Variants in GLDC observed in about 807,000 individuals in gnomAD.
GLDC encodes glycine dehydrogenase (decarboxylating), mitochondrial.
GLDC carries 104 observed loss-of-function variants against 121.3 expected under a neutral mutation model. That is an observed-to-expected ratio of 0.86 (90% CI 0.73 to 1.01). GLDC has a LOEUF of 1.01. Among genes scored for constraint, GLDC ranks in the 50% least tolerant of loss-of-function variants. The pLI, the probability that GLDC is intolerant of heterozygous loss-of-function variation, is 0.00. For missense variants in GLDC, 1,429 were observed against 1,306.6 expected, an observed-to-expected ratio of 1.09 and a Z score of -1.44; for synonymous variants, 546 against 480.6, an observed-to-expected ratio of 1.14 and a Z score of -1.78.
intron 4 of GLDC, among the ~76,000 whole-genome samples, chr9:6,607,624 GTTTA>G (rs1383387390): frequency 1.3e-5 from 2 of 151,594 alleles, no homozygotes; most frequent in Non-Finnish European, 2.9e-5. Context: ...AAATAAAATA[GTTTA>G]TTTATTTATT....
chr9:6,535,797 G>C, intron 23 of GLDC: 1 of 492,006 alleles, frequency 2.0e-6, no homozygotes, highest in South Asian at 2.2e-5. Flanking sequence ...TCTCACTACA[G>C]TACATCAAAC....
chr9:6,592,509 T>G lies in GLDC; in HGVS notation c.1402-286A>C, dbSNP rs1334660373. Among the ~76,000 whole-genome samples the G allele has an allele frequency of 2.0e-5, 3 of 152,186 alleles. No individual in the cohort carries two copies. The East Asian group carries it at 5.8e-4, about 29-fold the overall frequency. ...TTATCTTTTTCTTCCCTTAACCCAC[T>G]TATCAGATATTGAGGAGATTTTCTT... On this transcript the variant is annotated intron_variant, in intron 10 of 24. Coordinates refer to ENST00000321612, the MANE Select transcript of GLDC (RefSeq NM_000170.3).
intron 2 of GLDC, among the ~76,000 whole-genome samples, chr9:6,641,190 T>G (rs1380471045): frequency 6.6e-6 from 1 of 152,256 alleles, no homozygotes; most frequent in Non-Finnish European, 1.5e-5. Context: ...CATTCTGTCC[T>G]ATACATGTTA....
At chr9:6,569,367 T>G (rs913088697) in intron 15 of GLDC, 1 of 152,036 alleles carries the variant, frequency 6.6e-6, no homozygotes, top group African/African-American at 2.4e-5. Flanking sequence ...TAGAAATGGA[T>G]GTTGTGCCGG....
At chr9:6,638,596 C>T (rs952179452) in intron 2 of GLDC, among the ~76,000 whole-genome samples, 3 of 152,144 alleles carry the variant, frequency 2.0e-5, no homozygotes, top group South Asian at 2.1e-4. Context: ...CATTTCTGAA[C>T]GCTCATGACA....
At chr9:6,576,155 T>A (rs1304728699) in intron 15 of GLDC, among the ~76,000 whole-genome samples, 3 of 152,180 alleles carry the variant, frequency 2.0e-5, no homozygotes, top group Admixed American at 6.5e-5. Flanking sequence ...ATCCAGGTGC[T>A]ATAACAAAAT....
chr9:6,605,796 T>C (rs772073290), intron 5 of GLDC: 28 of 219,604 alleles, frequency 1.3e-4, no homozygotes, highest in Middle Eastern at 3.7e-3. Context: ...CAATAGTGGT[T>C]GTTGCGAGGA....
intron 24 of GLDC, chr9:6,534,132 A>C (rs1466379524): frequency 6.6e-6 from 1 of 150,986 alleles, no homozygotes; most frequent in Non-Finnish European, 1.4e-5. Flanking sequence ...GCGTGAACCC[A>C]GGATCATGCC....
chr9:6,540,226 A>C, intron 21 of GLDC, 80 bp from the exon 22 acceptor site: 1 of 921,802 alleles, frequency 1.1e-6, no homozygotes, highest in South Asian at 1.3e-5. Context: ...TAATTTAATA[A>C]ATAAGTGCAT....
chr9:6,603,355 C>T (rs1351158350), intron 7 of GLDC, among the ~76,000 whole-genome samples: 1 of 151,908 alleles, frequency 6.6e-6, no homozygotes, highest in African/African-American at 2.4e-5. Flanking sequence ...GTGGCTTACA[C>T]CTGGTAATCC....
chr9:6,631,286 T>A (rs1416505118), intron 2 of GLDC, among the ~76,000 whole-genome samples: 1 of 152,152 alleles, frequency 6.6e-6, no homozygotes, highest in Non-Finnish European at 1.5e-5. Flanking sequence ...GCGTGTCCCA[T>A]CTATGTTTCT....
intron 3 of GLDC, among the ~76,000 whole-genome samples, 190 bp downstream of exon 3, chr9:6,619,994 T>A (rs1819050755): frequency 6.6e-6 from 1 of 152,154 alleles, no homozygotes; most frequent in South Asian, 2.1e-4. Context: ...GGAAGAAACT[T>A]CTATTTCCTC....
chr9:6,586,446 A>G lies in GLDC; in HGVS notation c.1850+695T>C, dbSNP rs536997137. On this transcript the variant is annotated intron_variant, in intron 15 of 24. Coordinates refer to ENST00000321612, the MANE Select transcript of GLDC (RefSeq NM_000170.3). ...CTGGAGGCTGTTGCTTTTGAAAATC[A>G]CTGTTCTTCTTCAAAGTCTTTCCTT... is the stretch of plus-strand genomic sequence containing the variant. Among the ~76,000 whole-genome samples, 3 of 152,312 alleles carry G rather than the reference A, an allele frequency of 2.0e-5. No homozygotes were observed. The East Asian group carries it at 5.8e-4, about 29-fold the overall frequency.
At chr9:6,553,538 A>G in intron 19 of GLDC, 29 bp from the exon 20 acceptor site, 1 of 1,611,292 alleles carries the variant, frequency 6.2e-7, no homozygotes, top group South Asian at 1.1e-5. Context: ...CAAATTCAGA[A>G]AATGTAAACG....
At chr9:6,567,423 G>C (rs1415679606) in intron 15 of GLDC, 1 of 152,174 alleles carries the variant, frequency 6.6e-6, no homozygotes, top group Non-Finnish European at 1.5e-5. Context: ...TGTGTAAAAT[G>C]GGGATAGTAA....
At chr9:6,639,611 A>C (rs1819584021) in intron 2 of GLDC, 5 of 709,554 alleles carry the variant, frequency 7.0e-6, no homozygotes, top group South Asian at 1.4e-5. Flanking sequence ...GGATCATCTA[A>C]ACTGAGTCCA....
rs573049337 is a variant in GLDC, at chr9:6,596,478, C to T, written c.1156-1359G>A. Among the ~76,000 whole-genome samples the T allele has an allele frequency of 1.6e-4, 24 of 152,288 alleles. No homozygotes were observed. The East Asian group carries it at 2.1e-3, about 13-fold the overall frequency. On this transcript the variant is annotated intron_variant, in intron 8 of 24. Coordinates refer to ENST00000321612, the MANE Select transcript of GLDC (RefSeq NM_000170.3). ...ACAAAGGGCTTGAATCAGTGGCTCA[C>T]GCCTGTAATCCCAAGACTTTGGGAG...
intron 15 of GLDC, 54 bp from the exon 16 acceptor site, chr9:6,565,483 C>G (rs1221466236): frequency 7.3e-7 from 1 of 1,362,370 alleles, no homozygotes; most frequent in Non-Finnish European, 1.1e-6. Context: ...CTTTCATTTA[C>G]TCATTCAATA....
chr9:6,630,163 G>C (rs1442948887), intron 2 of GLDC, among the ~76,000 whole-genome samples: 1 of 151,534 alleles, frequency 6.6e-6, no homozygotes, highest in Non-Finnish European at 1.5e-5. Context: ...TAAAATGTTG[G>C]GAGGCTGAGG....
Sources: gnomAD v4.1 joint callset for allele counts (sites outside exome capture counted in the v4.1 genomes callset) on GRCh38, gnomAD v4.1.1 for gene constraint, MANE v1.5 for transcripts, NCBI Gene and HGNC (gene_info 2026-07-23, HGNC 2026-07-21) for gene names.